TBL1XR1: variants seen among roughly 807,000 people sequenced by gnomAD.
The protein encoded by TBL1XR1 is TBL1X/Y related 1, also known as F-box-like/WD repeat-containing protein TBL1XR1.
Under a neutral mutation model 66.9 loss-of-function variants are expected in TBL1XR1, and 5 were observed. The observed-to-expected ratio is 0.07, with a 90% confidence interval of 0.04 to 0.16. The LOEUF (loss-of-function observed/expected upper bound fraction) is 0.16. TBL1XR1 is among the 10% of genes least tolerant of loss of function. TBL1XR1 has a pLI of 1.00. For synonymous variants in TBL1XR1, 210 were observed against 206.0 expected (o/e 1.02, Z -0.17); for missense variants, 238 against 623.2 (o/e 0.38, Z 6.58).
intron 2 of TBL1XR1, among the ~76,000 whole-genome samples, chr3:177,065,929 T>G (rs1283041536): frequency 1.3e-5 from 2 of 152,218 alleles, no homozygotes; most frequent in Non-Finnish European, 2.9e-5. Context: ...TAAAGTATTA[T>G]TCTTCTGATT....
chr3:177,065,256 T>A (rs900889848), intron 2 of TBL1XR1, among the ~76,000 whole-genome samples: 6 of 152,148 alleles, frequency 3.9e-5, no homozygotes, highest in Admixed American at 1.3e-4. Context: ...TAAAACAAAA[T>A]TTTTTAGAGG....
intron 2 of TBL1XR1, among the ~76,000 whole-genome samples, chr3:177,095,264 T>A (rs1257243634): frequency 6.6e-6 from 1 of 151,944 alleles, no homozygotes; most frequent in East Asian, 1.9e-4. Context: ...GGGTGCTGTT[T>A]AATGGGTATA....
intron 1 of TBL1XR1, among the ~76,000 whole-genome samples, chr3:177,111,376 G>A (rs547014455): frequency 9.2e-5 from 14 of 151,442 alleles, no homozygotes; most frequent in Non-Finnish European, 1.5e-4. Context: ...GGGTTCAAGC[G>A]ATTCACCTGC....
At chr3:177,130,101 C>T (rs1173750390) in intron 1 of TBL1XR1, among the ~76,000 whole-genome samples, 2 of 147,058 alleles carry the variant, frequency 1.4e-5, no homozygotes, top group African/African-American at 2.5e-5. Flanking sequence ...GCCGAGATCA[C>T]GCCACTGCAC....
chr3:177,096,031 GA>G (rs936407482), intron 2 of TBL1XR1, among the ~76,000 whole-genome samples: 2 of 151,900 alleles, frequency 1.3e-5, no homozygotes, highest in Admixed American at 6.6e-5. Flanking sequence ...AATTTTAAGA[GA>G]AAAAAACACT....
upstream of TBL1XR1, chr3:177,201,669 G>A (rs549266501): frequency 1.3e-5 from 2 of 152,104 alleles, no homozygotes; most frequent in Non-Finnish European, 2.9e-5. Flanking sequence ...AAACTTAATT[G>A]TATAAAAAAG....
intron 3 of TBL1XR1, among the ~76,000 whole-genome samples, chr3:177,057,539 A>C (rs766177260): frequency 6.6e-5 from 10 of 152,236 alleles, no homozygotes; most frequent in Admixed American, 6.5e-4. Flanking sequence ...CTCCAGAAAA[A>C]GCATATGACT....
chr3:177,195,438 A>C (rs1736706597), intron 1 of TBL1XR1: 1 of 152,006 alleles, frequency 6.6e-6, no homozygotes, highest in African/African-American at 2.4e-5. Context: ...CAGACTATAA[A>C]CTATTAAAAT....
intron 1 of TBL1XR1, among the ~76,000 whole-genome samples, chr3:177,130,018 G>A (rs545433909): frequency 3.3e-4 from 50 of 151,930 alleles, no homozygotes; most frequent in African/African-American, 1.1e-3. Flanking sequence ...AGTGGCGTGC[G>A]CCTGTAGTCC....
chr3:177,127,942 G>A (rs1727839051), intron 1 of TBL1XR1, among the ~76,000 whole-genome samples: 1 of 152,100 alleles, frequency 6.6e-6, no homozygotes, highest in Non-Finnish European at 1.5e-5. Context: ...AAACGGGCCG[G>A]GCGCAGTGGC....
At chr3:177,129,951 C>A (rs1405697723) in intron 1 of TBL1XR1, among the ~76,000 whole-genome samples, 3 of 152,070 alleles carry the variant, frequency 2.0e-5, no homozygotes, top group African/African-American at 7.2e-5. Context: ...TTAAGACCAG[C>A]CTGGCCAACA....
At chr3:177,043,827 T>C (rs897388606) in intron 10 of TBL1XR1, among the ~76,000 whole-genome samples, 2 of 152,212 alleles carry the variant, frequency 1.3e-5, no homozygotes, top group African/African-American at 2.4e-5. Flanking sequence ...TCTCCTTTGA[T>C]GGGTTCTTAA....
rs190051734 is a variant in TBL1XR1, at chr3:177,118,993, C to T, written c.-121-20452G>A. On this transcript the variant is annotated intron_variant, in intron 1 of 15. Coordinates refer to ENST00000457928, the MANE Select transcript of TBL1XR1 (RefSeq NM_024665.7). ...TTTTTTTTGTTTTTTGTTTTTGAGA[C>T]GGAGTTTCACTCTTGTACCCCAGGC... 1.8e-4 allele frequency among the ~76,000 whole-genome samples: 27 copies of T among 152,100 alleles called. No individual in the cohort carries two copies. In the East Asian group the frequency reaches 3.5e-3, roughly 20 times the overall value.
chr3:177,145,002 C>T (rs1419095145), intron 1 of TBL1XR1, among the ~76,000 whole-genome samples: 1 of 152,220 alleles, frequency 6.6e-6, no homozygotes, highest in Non-Finnish European at 1.5e-5. Context: ...AGTTTGCCAA[C>T]CCCTGCTCTA....
chr3:177,100,943 C>G (rs1264179486), intron 1 of TBL1XR1, among the ~76,000 whole-genome samples: 1 of 152,032 alleles, frequency 6.6e-6, no homozygotes, highest in East Asian at 1.9e-4. Flanking sequence ...ACAACCTCCA[C>G]CTCCCAGGCT....
In TBL1XR1 at chr3:177,021,369, A is replaced by C. The variant is rs1251137509; in HGVS notation, c.*4129T>G. 8.3e-6 allele frequency: 1 copy of C among 120,848 alleles called. No individual in the cohort carries two copies. The highest frequency in any genetic ancestry group is 3.1e-5 in the African/African-American group (1 of 31,836). 7.5% of individuals were successfully genotyped at this position (120,848 alleles called of 1,614,324 possible). On this transcript the variant is annotated 3_prime_UTR_variant, in exon 16 of 16. Coordinates refer to ENST00000457928, the MANE Select transcript of TBL1XR1 (RefSeq NM_024665.7). The stretch of plus-strand genomic sequence containing the variant: ...CAAAGAAAACATCATGAAACAGCTT[A>C]CAAAAAAAAAAAAAATATATGCCCT...
chr3:177,177,642 T>C (rs1357264835), intron 1 of TBL1XR1, among the ~76,000 whole-genome samples: 4 of 152,158 alleles, frequency 2.6e-5, no homozygotes, highest in Non-Finnish European at 5.9e-5. Flanking sequence ...GTAAAACCTC[T>C]TCTGACCCTC....
intron 10 of TBL1XR1, among the ~76,000 whole-genome samples, chr3:177,040,636 A>AT (rs913067090): frequency 6.4e-4 from 95 of 148,688 alleles, no homozygotes; most frequent in East Asian, 1.8e-3. Flanking sequence ...CTATACTGAG[A>AT]TTTTTTTTTT....
intron 1 of TBL1XR1, among the ~76,000 whole-genome samples, chr3:177,173,187 C>CAAACA (rs768864920): frequency 5.1e-4 from 78 of 152,204 alleles, no homozygotes; most frequent in East Asian, 1.2e-3. Context: ...AACTCCATCT[C>CAAACA]AAACAAAACA....
Sources: allele counts gnomAD v4.1 joint callset (sites outside exome capture counted in the v4.1 genomes callset), GRCh38; gene constraint gnomAD v4.1.1; transcripts MANE v1.5; gene names NCBI Gene and HGNC (gene_info 2026-07-23, HGNC 2026-07-21).